Variants in FAM135A observed in about 807,000 individuals in gnomAD.
FAM135A encodes the protein protein FAM135A.
In FAM135A, 79 loss-of-function variants were observed where a neutral mutation model predicts 146.8. The ratio of observed to expected loss-of-function variants is 0.54; its 90% CI spans 0.45 to 0.65. FAM135A has a LOEUF of 0.65. Ranked by LOEUF, FAM135A falls within the 30% of genes least tolerant of loss-of-function variation. The pLI, the probability that FAM135A is intolerant of heterozygous loss-of-function variation, is 0.00. For synonymous variants in FAM135A, 562 were observed against 603.6 expected, an observed-to-expected ratio of 0.93 and a Z score of 1.01; for missense variants, 1,623 against 1,758.2, an observed-to-expected ratio of 0.92 and a Z score of 1.38.
intron 19 of FAM135A, among the ~76,000 whole-genome samples, chr6:70,537,061 G>T (rs1796923650): frequency 1.3e-5 from 2 of 151,596 alleles, no homozygotes; most frequent in African/African-American, 2.4e-5. Flanking sequence ...TCAGCCTCCG[G>T]AGTAGCTGGG....
intron 20 of FAM135A, among the ~76,000 whole-genome samples, chr6:70,542,289 G>T (rs1045336514): frequency 8.1e-6 from 1 of 123,562 alleles, no homozygotes. Flanking sequence ...CTTTGCTGTG[G>T]TCATGCTATT....
chr6:70,458,032 T>TG (rs1383771271), intron 5 of FAM135A, among the ~76,000 whole-genome samples: 1 of 152,196 alleles, frequency 6.6e-6, no homozygotes, highest in African/African-American at 2.4e-5. Flanking sequence ...AAATAGTTTG[T>TG]GGCAGACACC....
chr6:70,538,565 C>T (rs937437199), intron 20 of FAM135A, among the ~76,000 whole-genome samples, 164 bp downstream of exon 20: 55 of 152,110 alleles, frequency 3.6e-4, no homozygotes, highest in Middle Eastern at 3.4e-3. Context: ...TGAAACTAAG[C>T]AGTTGAAAGA....
intron 4 of FAM135A, among the ~76,000 whole-genome samples, chr6:70,448,375 G>A (rs965532848): frequency 3.3e-5 from 5 of 152,130 alleles, no homozygotes; most frequent in Admixed American, 2.6e-4. Flanking sequence ...AAGGTGGAAC[G>A]AACCAGAGCC....
chr6:70,433,635 A>G (rs1772275594), intron 4 of FAM135A, among the ~76,000 whole-genome samples: 1 of 152,114 alleles, frequency 6.6e-6, no homozygotes, highest in Admixed American at 6.6e-5. Flanking sequence ...GATTGGTCTA[A>G]GATGGCCTTG....
At chr6:70,499,371 G>A (rs958069546) in intron 11 of FAM135A, among the ~76,000 whole-genome samples, 19 of 152,112 alleles carry the variant, frequency 1.2e-4, no homozygotes, top group African/African-American at 3.6e-4. Context: ...GAGCCTATAT[G>A]TGTCTTTGCA....
chr6:70,423,480 C>T (rs562644995), intron 2 of FAM135A, among the ~76,000 whole-genome samples: 13 of 152,144 alleles, frequency 8.5e-5, no homozygotes, highest in Middle Eastern at 3.4e-3. Context: ...TTTGCTTTAC[C>T]GTTCTTGAGG....
intron 4 of FAM135A, among the ~76,000 whole-genome samples, chr6:70,443,753 T>G (rs1355246346): frequency 1.3e-5 from 2 of 152,212 alleles, no homozygotes; most frequent in Non-Finnish European, 2.9e-5. Flanking sequence ...ATACCTTTTT[T>G]TTCATCTTTC....
chr6:70,556,613 G>A, intron 20 of FAM135A, 137 bp from the exon 21 acceptor site: 1 of 552,336 alleles, frequency 1.8e-6, no homozygotes, highest in Non-Finnish European at 3.1e-6. Context: ...TTTGGAGAAA[G>A]GATCATCAAG....
chr6:70,516,621 C>T (rs1388793670), intron 12 of FAM135A, among the ~76,000 whole-genome samples: 5 of 148,564 alleles, frequency 3.4e-5, no homozygotes, highest in African/African-American at 5.0e-5. Context: ...CTGCAAGCTC[C>T]GCCTCCTGGG....
At chr6:70,539,500 C>T (rs1797444894) in intron 20 of FAM135A, among the ~76,000 whole-genome samples, 1 of 152,158 alleles carries the variant, frequency 6.6e-6, no homozygotes, top group African/African-American at 2.4e-5. Context: ...TTGCTAATAC[C>T]TGCTATAGAA....
chr6:70,531,619 G>A (rs1561990611), intron 16 of FAM135A, among the ~76,000 whole-genome samples: 1 of 152,112 alleles, frequency 6.6e-6, no homozygotes, highest in African/African-American at 2.4e-5. Flanking sequence ...TTTAATTAGG[G>A]CATGAACAAA....
chr6:70,455,959 C>G (rs112776901), intron 5 of FAM135A, among the ~76,000 whole-genome samples: 1 of 152,120 alleles, frequency 6.6e-6, no homozygotes, highest in Admixed American at 6.5e-5. Context: ...TCAAGCAATT[C>G]TCTTGTCTCA....
intron 20 of FAM135A, among the ~76,000 whole-genome samples, chr6:70,550,591 A>G (rs1033324521): frequency 2.6e-5 from 4 of 152,212 alleles, no homozygotes; most frequent in Admixed American, 2.0e-4. Flanking sequence ...CTGTAAACAG[A>G]TGTGCTGTAA....
rs573384334 is a variant in FAM135A, at chr6:70,416,368, A to C, written c.-134+992A>C. On this transcript the variant is annotated intron_variant, in intron 2 of 21. Transcript: ENST00000418814. ...ACACCTATATCTTTAGTTAATCCTT[A>C]ATTTTCTGTTTTATATTTTTATTTT... is the stretch of plus-strand genomic sequence containing the variant. Among the ~76,000 whole-genome samples, 17 of 152,292 alleles carry C rather than the reference A, an allele frequency of 1.1e-4. No individual in the cohort carries two copies. The South Asian group carries it at 3.5e-3, about 32-fold the overall frequency.
rs768278814 is a variant in FAM135A at position 70,524,535 on chromosome 6, A to C, written c.1451A>C (p.Asn484Thr). 1 of 1,550,758 alleles carries C rather than the reference A, an allele frequency of 6.4e-7. No individual in the cohort carries two copies. The highest frequency in any genetic ancestry group is 8.7e-7 in the Non-Finnish European group (1 of 1,146,640). The change falls in exon 15 of 22, where the codon AAT (asparagine) becomes ACT (threonine). Residue 484 changes from asparagine to threonine, a missense_variant. Asn to Thr is a moderately conservative substitution (Grantham distance 65). Transcript: ENST00000418814. ...KQLTKSLKGKNEESNKSKVKV... is the reference protein window; with the variant it reads ...KQLTKSLKGKTEESNKSKVKV... ...CTAACAAAATCTCTAAAAGGAAAGAATGAAGAATCAAATAAATCCAAAGTT... is the reference window on the plus strand; with the variant it reads ...CTAACAAAATCTCTAAAAGGAAAGACTGAAGAATCAAATAAATCCAAAGTT...
rs993012841 is a variant in FAM135A, at chr6:70,561,031, A to G, written c.*1110A>G. ...ATAAAAATGCACTAAGGTTGGGTAG[A>G]AGTTCTGTTTGCACTCACTAATTGT... On this transcript the variant is annotated 3_prime_UTR_variant, in exon 22 of 22. Coordinates refer to ENST00000418814, the MANE Select transcript of FAM135A (RefSeq NM_001162529.3). 6.6e-6 allele frequency: 1 copy of G among 152,572 alleles called. No homozygotes were observed. Among genetic ancestry groups the G allele is most frequent in the Non-Finnish European group, 1.5e-5 (1 of 67,998 alleles). The allele number at this position is 152,572 out of a possible 1,614,324, so 9.5% of individuals were successfully genotyped here.
intron 2 of FAM135A, among the ~76,000 whole-genome samples, chr6:70,425,000 A>C (rs1769726850): frequency 6.6e-6 from 1 of 151,684 alleles, no homozygotes; most frequent in South Asian, 2.1e-4. Flanking sequence ...GGAAAAGGCC[A>C]GCTTACTGAG....
chr6:70,505,719 CT>C (rs1421850828), intron 12 of FAM135A, among the ~76,000 whole-genome samples: 11 of 151,796 alleles, frequency 7.2e-5, no homozygotes, highest in Admixed American at 2.0e-4. Context: ...TGCCTTCACT[CT>C]TTTTTTCTTG....
Sources: gnomAD v4.1 joint callset for allele counts (sites outside exome capture counted in the v4.1 genomes callset) on GRCh38, gnomAD v4.1.1 for gene constraint, MANE v1.5 for transcripts, NCBI Gene and HGNC (gene_info 2026-07-23, HGNC 2026-07-21) for gene names.